The following LAMB3 variants were observed in gnomAD, a reference collection of about 807,000 sequenced individuals.
The protein encoded by LAMB3 is laminin subunit beta 3, also known as laminin subunit beta-3.
A neutral mutation model predicts 140.3 loss-of-function variants in LAMB3; 104 were observed. The ratio of observed to expected loss-of-function variants is 0.74; its 90% CI spans 0.63 to 0.87. The LOEUF is 0.87. Among genes scored for constraint, LAMB3 ranks in the 40% least tolerant of loss-of-function variants. The probability of loss-of-function intolerance (pLI) is 0.00; values close to 1 mark genes in which losing one functional copy is unlikely to be tolerated. For synonymous variants in LAMB3, 592 were observed against 602.9 expected, an observed-to-expected ratio of 0.98 and a Z score of 0.26; for missense variants, 1,531 against 1,575.2, an observed-to-expected ratio of 0.97 and a Z score of 0.47.
chr1:209,630,710 T>A lies in LAMB3; in HGVS notation c.848A>T (p.His283Leu). 2.5e-6 allele frequency: 4 copies of A among 1,614,048 alleles called. No individual in the cohort carries two copies. In the South Asian group the frequency reaches 3.3e-5, roughly 13 times the overall value. ...VQVHDVCVCQHNTAGPNCERC... is the reference protein window; with the variant it reads ...VQVHDVCVCQLNTAGPNCERC... ...CTCACAATTTGGGCCGGCAGTGTTGTGCTGGCAGACACAGACATCGTGGAC... is the reference window on the plus strand; with the variant it reads ...CTCACAATTTGGGCCGGCAGTGTTGAGCTGGCAGACACAGACATCGTGGAC... The change falls in exon 9 of 23, where the codon CAC becomes CTC. Residue 283 changes from histidine to leucine, a missense_variant. Transcript: ENST00000356082.
Position 209,644,308 on chromosome 1 carries a change from TA to T in LAMB3, c.183+5655del, listed in dbSNP as rs564872858. Reference sequence around the variant, plus strand: ...CTCAGTACAGCTGTTATTTCCATCCTAACTAAATTCAGAAATCACTCTCTGA... The same window carrying T: ...CTCAGTACAGCTGTTATTTCCATCCTACTAAATTCAGAAATCACTCTCTGA... On this transcript the variant is annotated intron_variant, in intron 3 of 22. Transcript: ENST00000356082. 4.6e-5 allele frequency among the ~76,000 whole-genome samples: 7 copies of T among 152,348 alleles called. No individual in the cohort carries two copies. The South Asian group carries it at 1.4e-3, about 32-fold the overall frequency.
Position 209,615,107 on chromosome 1 carries a change from C to T in LAMB3, c.*164G>A, listed in dbSNP as rs1665901935. On this transcript the variant is annotated 3_prime_UTR_variant, in exon 23 of 23. Transcript: ENST00000356082. ...AACTGTCCCATTGGCTCAGGCTCAG[C>T]TGCAGCTCAGGGTAATCTTACTAGC... 1 of 757,976 alleles carries T rather than the reference C, an allele frequency of 1.3e-6. No homozygotes were observed. Among genetic ancestry groups the T allele is most frequent in the East Asian group, 2.7e-5 (1 of 37,014 alleles). 47.0% of individuals were successfully genotyped at this position (757,976 alleles called of 1,614,324 possible). A position where few individuals can be genotyped will look rare whatever the true frequency, so the allele number is the denominator to read the frequency against.
chr1:209,644,708 C>T (rs1278753202), intron 3 of LAMB3, among the ~76,000 whole-genome samples: 2 of 152,130 alleles, frequency 1.3e-5, no homozygotes, highest in Admixed American at 6.5e-5. Context: ...CAGGAAACTC[C>T]CTTCTTCTGC....
chr1:209,622,836 A>C lies in LAMB3; in HGVS notation c.2556+146T>G, dbSNP rs1250476868. On this transcript the variant is annotated intron_variant, in intron 17 of 22. Coordinates refer to ENST00000356082, the MANE Select transcript of LAMB3 (RefSeq NM_000228.3). Reference sequence around the variant, plus strand: ...GTGGATGTTCAGTAAAAGAGAAAAAAAACTATCTTGCACTTGCTGTGGCAC... The same window carrying C: ...GTGGATGTTCAGTAAAAGAGAAAAACAACTATCTTGCACTTGCTGTGGCAC... 21 of 1,367,162 alleles carry C rather than the reference A, an allele frequency of 1.5e-5. No homozygotes were observed. The East Asian group carries it at 4.8e-4, about 31-fold the overall frequency. The allele number at this position is 1,367,162 out of a possible 1,614,324, so 84.7% of individuals were successfully genotyped here. A position where few individuals can be genotyped will look rare whatever the true frequency, so the allele number is the denominator to read the frequency against.
At chr1:209,649,117 G>C (rs2076542663) in intron 3 of LAMB3, among the ~76,000 whole-genome samples, 1 of 152,142 alleles carries the variant, frequency 6.6e-6, no homozygotes, top group South Asian at 2.1e-4. Flanking sequence ...GGGCAGTGAG[G>C]CCCAGAGGCC....
At chr1:209,647,135 A>G (rs891089633) in intron 3 of LAMB3, among the ~76,000 whole-genome samples, 3 of 152,284 alleles carry the variant, frequency 2.0e-5, no homozygotes, top group Admixed American at 1.3e-4. Context: ...GCCATAAGGC[A>G]AAGCTGGCCA....
rs1057516693 is a variant in LAMB3, at chr1:209,633,134, C to T, written c.565-1G>A. Reference sequence around the variant, plus strand: ...CTAAATCCATAAGGTTAAGTTGGACCTACAGAGGGAAGGGAAAGAGAAGCG... The same window carrying T: ...CTAAATCCATAAGGTTAAGTTGGACTTACAGAGGGAAGGGAAAGAGAAGCG... On this transcript the variant is annotated splice_acceptor_variant, in intron 6 of 22. Coordinates refer to ENST00000356082, the MANE Select transcript of LAMB3 (RefSeq NM_000228.3). LOFTEE classifies it high-confidence loss of function. The T allele has an allele frequency of 6.2e-7, 1 of 1,609,850 alleles. No individual in the cohort carries two copies. Among genetic ancestry groups the T allele is most frequent in the Non-Finnish European group, 8.5e-7 (1 of 1,176,278 alleles).
At chr1:209,631,050 G>A (rs1558158479) in intron 8 of LAMB3, among the ~76,000 whole-genome samples, 1 of 152,234 alleles carries the variant, frequency 6.6e-6, no homozygotes, top group African/African-American at 2.4e-5. Flanking sequence ...CGCTTGGCAG[G>A]TGCTCAGACA....
rs1047984805 is a variant in LAMB3, at chr1:209,625,569, T to C, written c.1976+79A>G. On this transcript the variant is annotated intron_variant, in intron 14 of 22. Transcript: ENST00000356082. ...TAAACTGTAATGCACTGTACAAATGTAAGGAAGGACCAGCATGCCCGGTAC... is the reference window on the plus strand; with the variant it reads ...TAAACTGTAATGCACTGTACAAATGCAAGGAAGGACCAGCATGCCCGGTAC... 41 of 1,547,720 alleles carry C rather than the reference T, an allele frequency of 2.6e-5. No individual in the cohort carries two copies. In the Admixed American group the frequency reaches 6.7e-4, roughly 25 times the overall value.
At chr1:209,637,359 A>T (rs1305377514) in intron 5 of LAMB3, among the ~76,000 whole-genome samples, 1 of 152,230 alleles carries the variant, frequency 6.6e-6, no homozygotes, top group Non-Finnish European at 1.5e-5. Context: ...ATCATCTCTG[A>T]AAAGAAAAAA....
intron 9 of LAMB3, 198 bp downstream of exon 9, chr1:209,630,417 G>A (rs1251963035): frequency 3.1e-6 from 2 of 638,874 alleles, no homozygotes; most frequent in South Asian, 2.0e-5. Flanking sequence ...CTCTAGCTGG[G>A]GACAGTGGGA....
Position 209,634,548 on chromosome 1 carries a change from A to G in LAMB3, c.463T>C (p.Ser155Pro), listed in dbSNP as rs1183508891. ...VYQYLAADCT[S>P]TFPRVRQGRP... ...CCCTGGCGGACCCGAGGGAAGGTGG[A>G]GGTGCAGTCGGCAGCCAGGTACTGG... Residue 155 changes from serine (S) to proline (P), a missense_variant, in exon 6 of 23, where the codon TCC becomes CCC. Transcript: ENST00000356082. 6.2e-7 allele frequency: 1 copy of G among 1,614,108 alleles called. No individual in the cohort carries two copies. Among genetic ancestry groups the G allele is most frequent in the Non-Finnish European group, 8.5e-7 (1 of 1,180,008 alleles).
chr1:209,633,565 A>C (rs766042934), intron 6 of LAMB3, among the ~76,000 whole-genome samples: 141 of 152,116 alleles, frequency 9.3e-4, no homozygotes, highest in Non-Finnish European at 1.6e-3. Context: ...ATTTATTCAA[A>C]AAAAAAAAAT....
chr1:209,651,096 C>T, intron 1 of LAMB3, 115 bp from the exon 2 acceptor site: 1 of 758,372 alleles, frequency 1.3e-6, no homozygotes, highest in Non-Finnish European at 2.4e-6. Flanking sequence ...ACCTAGGGTC[C>T]TGATCTAGGA....
chr1:209,621,483 ACT>A (rs1666192769), intron 18 of LAMB3, among the ~76,000 whole-genome samples: 1 of 152,200 alleles, frequency 6.6e-6, no homozygotes, highest in Non-Finnish European at 1.5e-5. Flanking sequence ...AAGAGGAGCC[ACT>A]GTCATTACAC....
At chr1:209,646,228 A>G (rs2076516803) in intron 3 of LAMB3, among the ~76,000 whole-genome samples, 1 of 152,184 alleles carries the variant, frequency 6.6e-6, no homozygotes, top group South Asian at 2.1e-4. Flanking sequence ...TTCTTGAGGA[A>G]TGCGTGTCAT....
chr1:209,624,899 G>GAAGGAAGGAAGGAAGGAAGA (rs1666365638), intron 14 of LAMB3, among the ~76,000 whole-genome samples: 1 of 145,462 alleles, frequency 6.9e-6, no homozygotes, highest in African/African-American at 2.6e-5. Context: ...AGGAAGGAAG[G>GAAGGAAGGAAGGAAGGAAGA]AAGGAAGGAA....
At chr1:209,634,125 A>T (rs1384773602) in intron 6 of LAMB3, among the ~76,000 whole-genome samples, 1 of 152,226 alleles carries the variant, frequency 6.6e-6, no homozygotes, top group Non-Finnish European at 1.5e-5. Context: ...CAAAGTCCTC[A>T]TATCAAAGTA....
chr1:209,643,414 A>AT (rs2102454960), intron 3 of LAMB3, among the ~76,000 whole-genome samples: 1 of 152,262 alleles, frequency 6.6e-6, no homozygotes, highest in East Asian at 1.9e-4. Context: ...ACACAGTACT[A>AT]TTATCAATTC....
Sources: gnomAD v4.1 joint callset for allele counts (sites outside exome capture counted in the v4.1 genomes callset) on GRCh38, gnomAD v4.1.1 for gene constraint, MANE v1.5 for transcripts, NCBI Gene and HGNC (gene_info 2026-07-23, HGNC 2026-07-21) for gene names.